Variants in IQCM observed in about 807,000 individuals in gnomAD.
IQCM encodes IQ motif containing M, also known as IQ domain-containing protein M.
IQCM carries 45 observed loss-of-function variants against 57.6 expected under a neutral mutation model. That is an observed-to-expected ratio of 0.78 (90% CI 0.62 to 1.00). IQCM has a LOEUF of 1.00. Ranked by LOEUF, IQCM falls within the 50% of genes least tolerant of loss-of-function variation. The pLI is 0.00. For missense variants in IQCM, 468 were observed against 511.6 expected (o/e 0.91, Z 0.82); for synonymous variants, 148 against 158.9 (o/e 0.93, Z 0.51).
intron 2 of IQCM, among the ~76,000 whole-genome samples, chr4:149,791,168 T>G (rs2150029633): frequency 6.6e-6 from 1 of 152,324 alleles, no homozygotes; most frequent in South Asian, 2.1e-4. Context: ...TGCTTCATAT[T>G]TCATTAACAT....
chr4:149,667,396 A>T (rs1760830342), intron 7 of IQCM, among the ~76,000 whole-genome samples: 1 of 152,164 alleles, frequency 6.6e-6, no homozygotes, highest in Non-Finnish European at 1.5e-5. Context: ...ATCGACAAAA[A>T]GGACAACCAC....
chr4:149,403,034 T>C (rs1329130392), intron 13 of IQCM, among the ~76,000 whole-genome samples: 4 of 151,982 alleles, frequency 2.6e-5, no homozygotes, highest in African/African-American at 2.4e-5. Context: ...AAATAATTTA[T>C]CGTAATCCTC....
intron 7 of IQCM, among the ~76,000 whole-genome samples, chr4:149,657,858 T>A (rs577826691): frequency 5.9e-5 from 9 of 152,184 alleles, no homozygotes; most frequent in African/African-American, 2.2e-4. Flanking sequence ...GGCTACTAGA[T>A]TTTTTTGCTG....
chr4:149,623,486 C>T (rs1248001684), intron 7 of IQCM, among the ~76,000 whole-genome samples: 3 of 152,170 alleles, frequency 2.0e-5, no homozygotes, highest in Non-Finnish European at 2.9e-5. Context: ...CACTAAAATC[C>T]TCAAGGTAAT....
intron 8 of IQCM, among the ~76,000 whole-genome samples, chr4:149,606,736 C>G (rs145265468): frequency 6.6e-6 from 1 of 151,982 alleles, no homozygotes; most frequent in African/African-American, 2.4e-5. Flanking sequence ...TTAAATCAAG[C>G]AGAAATTCTA....
chr4:149,622,528 A>G (rs914607653), intron 7 of IQCM, among the ~76,000 whole-genome samples: 4 of 152,094 alleles, frequency 2.6e-5, no homozygotes, highest in Admixed American at 2.6e-4. Context: ...ATTTTTTAGT[A>G]GAGACGGGGT....
chr4:149,642,318 T>C (rs559742587), intron 7 of IQCM, among the ~76,000 whole-genome samples: 10 of 152,300 alleles, frequency 6.6e-5, no homozygotes, highest in Admixed American at 2.6e-4. Context: ...ATATAGCCAC[T>C]GTATTTCCCA....
At chr4:149,413,098 A>G (rs1052372930) in intron 13 of IQCM, among the ~76,000 whole-genome samples, 3 of 152,252 alleles carry the variant, frequency 2.0e-5, no homozygotes, top group African/African-American at 7.2e-5. Context: ...ATTATAAAAC[A>G]CACATTAAAA....
intron 7 of IQCM, among the ~76,000 whole-genome samples, chr4:149,662,814 C>T (rs1760342779): frequency 6.6e-6 from 1 of 151,886 alleles, no homozygotes; most frequent in Non-Finnish European, 1.5e-5. Flanking sequence ...AAGTGAGTAC[C>T]TTATTGGCAG....
At position 149,763,395 on chromosome 4, in the gene IQCM, A is replaced by G. The variant is rs1769726172; in HGVS notation, c.-48-20656T>C. On this transcript the variant is annotated intron_variant, in intron 2 of 13. Coordinates refer to ENST00000636793, the MANE Select transcript of IQCM (RefSeq NM_001363507.2). ...GAATTGAGGATATACACAAAAATCC[A>G]TGCAAAAGATGGGACTTTAAAGAGG... is the stretch of plus-strand genomic sequence containing the variant. 2.6e-5 allele frequency among the ~76,000 whole-genome samples: 4 copies of G among 152,092 alleles called. No individual in the cohort carries two copies. In the South Asian group the frequency reaches 8.3e-4, roughly 31 times the overall value.
intron 12 of IQCM, among the ~76,000 whole-genome samples, chr4:149,473,381 T>C (rs1739803509): frequency 6.6e-6 from 1 of 152,162 alleles, no homozygotes; most frequent in Non-Finnish European, 1.5e-5. Context: ...AAAATGTTCA[T>C]CATCACTGGC....
intron 2 of IQCM, among the ~76,000 whole-genome samples, chr4:149,770,876 C>A (rs913537032): frequency 1.3e-5 from 2 of 151,974 alleles, no homozygotes; most frequent in East Asian, 3.8e-4. Flanking sequence ...AGGAACGACA[C>A]AAAGATGTCT....
At chr4:149,449,284 G>T (rs1736836850) in intron 12 of IQCM, among the ~76,000 whole-genome samples, 1 of 137,374 alleles carries the variant, frequency 7.3e-6, no homozygotes. Context: ...GCAAAAATCA[G>T]GTGAGTACTC....
intron 7 of IQCM, among the ~76,000 whole-genome samples, chr4:149,632,537 T>C (rs1161736694): frequency 6.6e-6 from 1 of 152,106 alleles, no homozygotes; most frequent in Non-Finnish European, 1.5e-5. Flanking sequence ...AGGTCACTAA[T>C]GTAACATTAT....
At chr4:149,681,852 T>C (rs1354243072) in intron 7 of IQCM, among the ~76,000 whole-genome samples, 1 of 151,234 alleles carries the variant, frequency 6.6e-6, no homozygotes, top group Admixed American at 6.6e-5. Context: ...TAAATAAACT[T>C]TTAAAATTAC....
chr4:149,549,413 G>C (rs1356413951), intron 11 of IQCM, among the ~76,000 whole-genome samples: 2 of 151,438 alleles, frequency 1.3e-5, no homozygotes, highest in Non-Finnish European at 3.0e-5. Context: ...AGCTACTTGG[G>C]AGGCTGAGGC....
At chr4:149,476,411 A>T (rs1245973534) in intron 12 of IQCM, among the ~76,000 whole-genome samples, 1 of 152,150 alleles carries the variant, frequency 6.6e-6, no homozygotes, top group Non-Finnish European at 1.5e-5. Flanking sequence ...ATATGAAATT[A>T]TCATATAGGT....
chr4:149,563,818 G>A lies in IQCM; in HGVS notation c.822C>T (p.Ile274=). Residue 274 remains isoleucine, a synonymous_variant, in exon 10 of 14, where the codon ATC becomes ATT. Transcript: ENST00000636793. ...TTTTTCTTTCTCGGAACACTTGGAA[G>A]ATTTCTATGTGTGGTCCAATTCTTT... ...KVKRIGPHIE[I]FQVFRERKKF... is the part of the protein sequence containing the mutation. 2.4e-6 allele frequency: 3 copies of A among 1,231,610 alleles called. No homozygotes were observed. The highest frequency in any genetic ancestry group is 3.0e-6 in the Non-Finnish European group (3 of 987,610). 76.3% of individuals were successfully genotyped at this position (1,231,610 alleles called of 1,614,324 possible). A position where few individuals can be genotyped will look rare whatever the true frequency, so the allele number is the denominator to read the frequency against.
At chr4:149,759,284 G>A (rs559863064) in intron 2 of IQCM, among the ~76,000 whole-genome samples, 1 of 152,272 alleles carries the variant, frequency 6.6e-6, no homozygotes, top group East Asian at 1.9e-4. Flanking sequence ...AATTAATAGA[G>A]CACAGCGGAT....
Sources: allele counts gnomAD v4.1 joint callset (sites outside exome capture counted in the v4.1 genomes callset), GRCh38; gene constraint gnomAD v4.1.1; transcripts MANE v1.5; gene names NCBI Gene and HGNC (gene_info 2026-07-23, HGNC 2026-07-21).